The following NTM variants were observed in gnomAD, a reference collection of about 807,000 sequenced individuals.
NTM encodes the protein IgLON family member 2.
NTM carries 13 observed loss-of-function variants against 42.1 expected under a neutral mutation model. That is an observed-to-expected ratio of 0.31 (90% CI 0.20 to 0.49). NTM has a LOEUF of 0.49. Ranked by LOEUF, NTM falls within the 20% of genes least tolerant of loss-of-function variation. The pLI, the probability that NTM is intolerant of heterozygous loss-of-function variation, is 0.99. For missense variants in NTM, 373 were observed against 452.8 expected (o/e 0.82, Z 1.60); for synonymous variants, 187 against 179.2 (o/e 1.04, Z -0.35).
intron 1 of NTM, among the ~76,000 whole-genome samples, chr11:131,384,899 T>C (rs748361013): frequency 5.3e-5 from 8 of 152,228 alleles, no homozygotes; most frequent in Non-Finnish European, 1.0e-4. Flanking sequence ...TGTTCATGGC[T>C]AGTGAGGTGT....
intron 1 of NTM, among the ~76,000 whole-genome samples, chr11:131,768,100 A>G (rs1474831854): frequency 6.7e-6 from 1 of 149,272 alleles, no homozygotes; most frequent in African/African-American, 2.5e-5. Flanking sequence ...ATGTTCATCC[A>G]TTGAACACTT....
At chr11:131,985,415 T>G (rs947222482) in intron 2 of NTM, among the ~76,000 whole-genome samples, 1 of 152,196 alleles carries the variant, frequency 6.6e-6, no homozygotes, top group African/African-American at 2.4e-5. Flanking sequence ...TAGGGGCACA[T>G]TAGTTGTTAT....
intron 1 of NTM, among the ~76,000 whole-genome samples, chr11:131,762,868 G>A (rs1165055053): frequency 6.6e-6 from 1 of 152,140 alleles, no homozygotes; most frequent in Non-Finnish European, 1.5e-5. Context: ...TCCCCTGCTG[G>A]CTCTGGACAG....
chr11:131,754,034 A>G (rs1298484012), intron 1 of NTM, among the ~76,000 whole-genome samples: 2 of 151,208 alleles, frequency 1.3e-5, no homozygotes, highest in Non-Finnish European at 1.5e-5. Flanking sequence ...CTGCAAGGAC[A>G]AAAAACCAAA....
intron 1 of NTM, among the ~76,000 whole-genome samples, chr11:131,454,960 G>A (rs577742135): frequency 6.6e-6 from 1 of 152,264 alleles, no homozygotes; most frequent in African/African-American, 2.4e-5. Context: ...TCTATAGGGA[G>A]GGGGGAAGAC....
chr11:131,926,703 C>T (rs916940288), intron 2 of NTM, among the ~76,000 whole-genome samples: 15 of 152,348 alleles, frequency 9.8e-5, no homozygotes, highest in African/African-American at 2.9e-4. Flanking sequence ...GTAGCCCCAA[C>T]ACCTGTGTGG....
At chr11:132,009,397 G>A (rs762149433) in intron 2 of NTM, among the ~76,000 whole-genome samples, 1 of 152,152 alleles carries the variant, frequency 6.6e-6, no homozygotes, top group Non-Finnish European at 1.5e-5. Context: ...TGTATGTGCC[G>A]ATGTAAAGCC....
At chr11:132,292,787 TAAAAAAAAAAA>T (rs61603794) in intron 4 of NTM, among the ~76,000 whole-genome samples, 1 of 56,572 alleles carries the variant, frequency 1.8e-5, no homozygotes, top group South Asian at 9.0e-4. Flanking sequence ...GATGTAAAAG[TAAAAAAAAAAA>T]AAAAAAAAAA....
intron 1 of NTM, among the ~76,000 whole-genome samples, chr11:131,439,167 T>C: frequency 6.6e-6 from 1 of 152,162 alleles, no homozygotes; most frequent in Non-Finnish European, 1.5e-5. Context: ...TCCTGATCCT[T>C]CCTCTGGAAG....
At chr11:131,444,951 T>C (rs1949936474) in intron 1 of NTM, among the ~76,000 whole-genome samples, 1 of 152,174 alleles carries the variant, frequency 6.6e-6, no homozygotes, top group Admixed American at 6.5e-5. Flanking sequence ...AAATCAGTGC[T>C]TCTCAAACTT....
At chr11:131,859,755 T>A (rs1198629551) in intron 1 of NTM, among the ~76,000 whole-genome samples, 1 of 152,184 alleles carries the variant, frequency 6.6e-6, no homozygotes, top group Non-Finnish European at 1.5e-5. Context: ...AATGCCTGGT[T>A]TAACGGAAGT....
chr11:131,802,824 T>C (rs1181637165), intron 1 of NTM, among the ~76,000 whole-genome samples: 2 of 152,222 alleles, frequency 1.3e-5, no homozygotes, highest in Non-Finnish European at 2.9e-5. Context: ...TCCCCCACTT[T>C]ATACAATTGC....
intron 1 of NTM, among the ~76,000 whole-genome samples, chr11:131,693,914 C>T (rs2075107867): frequency 6.6e-6 from 1 of 152,222 alleles, no homozygotes; most frequent in Non-Finnish European, 1.5e-5. Context: ...TTGACTTCGT[C>T]TCTGGAGACC....
At chr11:131,868,744 CA>C (rs2047470911) in intron 1 of NTM, among the ~76,000 whole-genome samples, 1 of 152,170 alleles carries the variant, frequency 6.6e-6, no homozygotes, top group Non-Finnish European at 1.5e-5. Context: ...ATCTCCCCTT[CA>C]CATGCTACCT....
intron 1 of NTM, among the ~76,000 whole-genome samples, chr11:131,822,390 A>C (rs1279822178): frequency 1.3e-5 from 2 of 152,212 alleles, no homozygotes. Context: ...AATGTTTTCT[A>C]TACACCAGTG....
intron 1 of NTM, among the ~76,000 whole-genome samples, chr11:131,588,560 C>T (rs2059085058): frequency 6.6e-6 from 1 of 152,176 alleles, no homozygotes; most frequent in Non-Finnish European, 1.5e-5. Flanking sequence ...GACACAAAAA[C>T]CAGTGATAGC....
chr11:131,875,686 G>A (rs773394997), intron 1 of NTM, among the ~76,000 whole-genome samples: 5 of 152,208 alleles, frequency 3.3e-5, no homozygotes, highest in African/African-American at 9.6e-5. Flanking sequence ...ACAATGAATC[G>A]CATAAGAAAG....
At chr11:131,385,203 G>A (rs1943163639) in intron 1 of NTM, 1 of 152,166 alleles carries the variant, frequency 6.6e-6, no homozygotes, top group Admixed American at 6.5e-5. Context: ...CAAAGTCAGG[G>A]GCCTACCACC....
chr11:131,426,055 G>A (rs190296629), intron 1 of NTM, among the ~76,000 whole-genome samples: 1 of 152,258 alleles, frequency 6.6e-6, no homozygotes, highest in Admixed American at 6.5e-5. Context: ...ACGCCTGCTG[G>A]GAGGTTGCCA....
Sources: allele counts gnomAD v4.1 joint callset (sites outside exome capture counted in the v4.1 genomes callset), GRCh38; gene constraint gnomAD v4.1.1; transcripts MANE v1.5; gene names NCBI Gene and HGNC (gene_info 2026-07-23, HGNC 2026-07-21).